WDFY4: variants seen among roughly 807,000 people sequenced by gnomAD.
The protein encoded by WDFY4 is WD repeat- and FYVE domain-containing protein 4.
A neutral mutation model predicts 351.9 loss-of-function variants in WDFY4; 169 were observed. That is an observed-to-expected ratio of 0.48 (90% confidence interval 0.42 to 0.55). WDFY4 has a LOEUF of 0.55. WDFY4 is among the 20% of genes least tolerant of loss of function. WDFY4 has a pLI of 0.00. For synonymous variants in WDFY4, 1,622 were observed against 1,574.6 expected, an observed-to-expected ratio of 1.03 and a Z score of -0.71; for missense variants, 3,803 against 3,935.6, an observed-to-expected ratio of 0.97 and a Z score of 0.90.
rs2064307291 is a variant in WDFY4, at chr10:48,727,455, G to A, written c.782-15G>A. On this transcript the variant is annotated splice_polypyrimidine_tract_variant and intron_variant, in intron 6 of 61. Coordinates refer to ENST00000325239, the MANE Select transcript of WDFY4 (RefSeq NM_001394531.1). ...TCCAAGCTCAGCAGGTCTCTCCTGTGCTTCCCTCCTGCAGCCACAGACTGT... is the reference window on the plus strand; with the variant it reads ...TCCAAGCTCAGCAGGTCTCTCCTGTACTTCCCTCCTGCAGCCACAGACTGT... 8.4e-6 allele frequency: 13 copies of A among 1,550,828 alleles called. No individual in the cohort carries two copies. Among genetic ancestry groups the A allele is most frequent in the Admixed American group, 2.0e-5 (1 of 50,950 alleles).
chr10:48,726,441 G>A (rs2064270515), intron 6 of WDFY4, among the ~76,000 whole-genome samples: 1 of 152,166 alleles, frequency 6.6e-6, no homozygotes, highest in African/African-American at 2.4e-5. Flanking sequence ...TAAACATTAA[G>A]ACTAGTAGAA....
At chr10:48,779,468 A>T (rs1589588327) in intron 18 of WDFY4, among the ~76,000 whole-genome samples, 1 of 152,286 alleles carries the variant, frequency 6.6e-6, no homozygotes, top group African/African-American at 2.4e-5. Flanking sequence ...AGGGAAAAAC[A>T]TTGGGAGGCC....
chr10:48,961,372 A>T (rs139131309), intron 53 of WDFY4, among the ~76,000 whole-genome samples: 57 of 152,332 alleles, frequency 3.7e-4, no homozygotes, highest in African/African-American at 1.4e-3. Context: ...CTGGATAAAG[A>T]TGTAGCCAAA....
intron 2 of WDFY4, among the ~76,000 whole-genome samples, chr10:48,713,424 T>C (rs2063818115): frequency 6.6e-6 from 1 of 152,240 alleles, no homozygotes; most frequent in East Asian, 1.9e-4. Flanking sequence ...CCTCTATCCC[T>C]GTCTTTGTTT....
At chr10:48,792,007 G>A (rs1414739665) in intron 23 of WDFY4, among the ~76,000 whole-genome samples, 1 of 152,026 alleles carries the variant, frequency 6.6e-6, no homozygotes, top group African/African-American at 2.4e-5. Flanking sequence ...TCTGATTACC[G>A]ATACCATATC....
chr10:48,778,897 C>T (rs2066126108), intron 18 of WDFY4, 65 bp downstream of exon 18: 4 of 1,509,530 alleles, frequency 2.6e-6, no homozygotes, highest in South Asian at 1.2e-5. Context: ...AAGTCAGAAG[C>T]TCTCAACACA....
intron 1 of WDFY4, among the ~76,000 whole-genome samples, chr10:48,694,472 C>T (rs572735859): frequency 6.6e-6 from 1 of 152,062 alleles, no homozygotes; most frequent in African/African-American, 2.4e-5. Flanking sequence ...CCCCTAGCCT[C>T]CTCCACCCCC....
chr10:48,792,055 C>T lies in WDFY4; in HGVS notation c.4257+1138C>T, dbSNP rs552976660. 4.6e-5 allele frequency among the ~76,000 whole-genome samples: 7 copies of T among 152,342 alleles called. No individual in the cohort carries two copies. In the South Asian group the frequency reaches 1.2e-3, roughly 27 times the overall value. ...GACAGGTTTTCAAAGCCATTCAAAA[C>T]TGGCCACAGACCTTTCCTTCCAGCC... On this transcript the variant is annotated intron_variant, in intron 23 of 61. Coordinates refer to ENST00000325239, the MANE Select transcript of WDFY4 (RefSeq NM_001394531.1).
chr10:48,817,429 C>T lies in WDFY4; in HGVS notation c.5505+20C>T. 1 of 1,539,174 alleles carries T rather than the reference C, an allele frequency of 6.5e-7. No homozygotes were observed. Among genetic ancestry groups the T allele is most frequent in the Non-Finnish European group, 8.8e-7 (1 of 1,138,010 alleles). ...CAAAAGGTAGGACATGCTGCTGTCC[C>T]ACCCAGAGAGAGCAGTTGTGAGCAT... is the stretch of plus-strand genomic sequence containing the variant. On this transcript the variant is annotated intron_variant, in intron 32 of 61. Coordinates refer to ENST00000325239, the MANE Select transcript of WDFY4 (RefSeq NM_001394531.1).
At chr10:48,959,946 G>A in intron 53 of WDFY4, 133 bp downstream of exon 53, 2 of 822,076 alleles carry the variant, frequency 2.4e-6, no homozygotes, top group Non-Finnish European at 3.8e-6. Context: ...CCCAGAGAAG[G>A]GATGGGGTCT....
chr10:48,954,939 G>C (rs778859292), intron 51 of WDFY4, among the ~76,000 whole-genome samples: 16 of 152,080 alleles, frequency 1.1e-4, no homozygotes, highest in Non-Finnish European at 1.9e-4. Context: ...TCTTTAACCA[G>C]ATTTGTAGCA....
Position 48,731,219 on chromosome 10 carries a change from G to A in WDFY4, c.1239G>A (p.Trp413Ter). The change falls in exon 9 of 62, where the codon TGG becomes TGA. Residue 413 changes from tryptophan (W) to a stop codon, truncating the protein, a stop_gained. Coordinates refer to ENST00000325239, the MANE Select transcript of WDFY4 (RefSeq NM_001394531.1). LOFTEE classifies it high-confidence loss of function. ...IQVLSVIRTMWAWNARNFFLL... is the reference protein window; with the variant it reads ...IQVLSVIRTM Reference sequence around the variant, plus strand: ...TCTTGTCAGTCATCAGGACCATGTGGGCCTGGAATGCTCGAAACTTCTTCC... The same window carrying A: ...TCTTGTCAGTCATCAGGACCATGTGAGCCTGGAATGCTCGAAACTTCTTCC... 6.4e-7 allele frequency: 1 copy of A among 1,551,836 alleles called. No individual in the cohort carries two copies. Among genetic ancestry groups the A allele is most frequent in the Non-Finnish European group, 8.7e-7 (1 of 1,147,026 alleles).
intron 39 of WDFY4, among the ~76,000 whole-genome samples, chr10:48,847,641 C>T (rs1198887125): frequency 6.6e-6 from 1 of 152,032 alleles, no homozygotes; most frequent in Non-Finnish European, 1.5e-5. Flanking sequence ...GTGGCGACAC[C>T]TCCCACCTGT....
chr10:48,766,592 TCA>T (rs768763877), intron 13 of WDFY4, among the ~76,000 whole-genome samples: 20 of 151,814 alleles, frequency 1.3e-4, no homozygotes, highest in Non-Finnish European at 2.8e-4. Context: ...AGACCTTGTC[TCA>T]AAAAAAACCT....
intron 58 of WDFY4, 105 bp from the exon 59 acceptor site, chr10:48,976,692 A>G: frequency 9.1e-7 from 1 of 1,094,978 alleles, no homozygotes; most frequent in Non-Finnish European, 1.2e-6. Flanking sequence ...TCTTCAGAGC[A>G]TGACAGATTG....
chr10:48,853,386 C>G lies in WDFY4; in HGVS notation c.6664-13879C>G, dbSNP rs117625677. On this transcript the variant is annotated intron_variant, in intron 39 of 61. Transcript: ENST00000325239. ...GATCTCTTAACTTTTCTTAGTTTGTCTAATTTAATCCATTCAATTAAGCAA... is the reference window on the plus strand; with the variant it reads ...GATCTCTTAACTTTTCTTAGTTTGTGTAATTTAATCCATTCAATTAAGCAA... Among the ~76,000 whole-genome samples, 198 of 152,320 alleles carry G rather than the reference C, an allele frequency of 1.3e-3. 4 individuals are homozygous for G. The East Asian group carries it at 0.037, about 28-fold the overall frequency.
chr10:48,706,774 CTT>C (rs1055408270), intron 1 of WDFY4, among the ~76,000 whole-genome samples: 3 of 152,164 alleles, frequency 2.0e-5, no homozygotes, highest in African/African-American at 7.2e-5. Context: ...ATAAAAAAGA[CTT>C]AGACATGAGG....
intron 24 of WDFY4, chr10:48,802,835 A>G (rs775878671): frequency 8.4e-6 from 4 of 475,890 alleles, no homozygotes; most frequent in Admixed American, 2.3e-5. Flanking sequence ...CCTGGCTTCT[A>G]TTTCCTGTCC....
intron 2 of WDFY4, among the ~76,000 whole-genome samples, chr10:48,718,672 C>G (rs1375756468): frequency 6.6e-6 from 1 of 152,242 alleles, no homozygotes; most frequent in African/African-American, 2.4e-5. Flanking sequence ...AGTCCCTCCA[C>G]TCTGGCCATT....
Sources: gnomAD v4.1 joint callset for allele counts (sites outside exome capture counted in the v4.1 genomes callset) on GRCh38, gnomAD v4.1.1 for gene constraint, MANE v1.5 for transcripts, NCBI Gene and HGNC (gene_info 2026-07-23, HGNC 2026-07-21) for gene names.